The following SPOCK3 variants were observed in gnomAD, a reference collection of about 807,000 sequenced individuals.
SPOCK3 encodes the protein SPARC (osteonectin), cwcv and kazal like domains proteoglycan 3, also known as testican-3.
Under a neutral mutation model 56.6 loss-of-function variants are expected in SPOCK3, and 30 were observed. The observed-to-expected ratio is 0.53, with a 90% confidence interval of 0.40 to 0.72. The LOEUF (loss-of-function observed/expected upper bound fraction) is 0.72, where lower values mean the gene tolerates loss of function less well. SPOCK3 is among the 30% of genes least tolerant of loss of function. SPOCK3 has a pLI of 0.00. For missense variants in SPOCK3, 527 were observed against 530.0 expected, an observed-to-expected ratio of 0.99 and a Z score of 0.06; for synonymous variants, 196 against 183.3, an observed-to-expected ratio of 1.07 and a Z score of -0.56.
chr4:167,075,256 A>G (rs889143627), intron 2 of SPOCK3, among the ~76,000 whole-genome samples: 3 of 151,938 alleles, frequency 2.0e-5, no homozygotes, highest in African/African-American at 7.2e-5. Context: ...AAAAAAAGAC[A>G]TGCAAAATAC....
chr4:167,037,962 G>C (rs959756779), intron 3 of SPOCK3, among the ~76,000 whole-genome samples: 1 of 152,140 alleles, frequency 6.6e-6, no homozygotes, highest in African/African-American at 2.4e-5. Context: ...ACCAGTCACA[G>C]AAACAGAAAG....
At chr4:166,841,440 T>G (rs1490002499) in intron 6 of SPOCK3, among the ~76,000 whole-genome samples, 1 of 148,744 alleles carries the variant, frequency 6.7e-6, no homozygotes, top group Non-Finnish European at 1.5e-5. Context: ...TTTCTTAAAG[T>G]AAGAAAAAAA....
At chr4:167,131,642 C>T (rs13125626) in intron 2 of SPOCK3, among the ~76,000 whole-genome samples, 1 of 151,854 alleles carries the variant, frequency 6.6e-6, no homozygotes, top group African/African-American at 2.4e-5. Flanking sequence ...CAACAAAAAC[C>T]TGGGAGTATA....
chr4:166,870,962 T>C (rs1469929192), intron 6 of SPOCK3, among the ~76,000 whole-genome samples: 2 of 152,014 alleles, frequency 1.3e-5, no homozygotes, highest in Non-Finnish European at 2.9e-5. Flanking sequence ...CACACTTGTC[T>C]CTCCTGCCAC....
chr4:166,864,956 C>A (rs373425804), intron 6 of SPOCK3, among the ~76,000 whole-genome samples: 2 of 152,050 alleles, frequency 1.3e-5, no homozygotes, highest in Admixed American at 6.6e-5. Context: ...ACCCTGATAC[C>A]AAAACCTGGC....
At position 166,812,040 on chromosome 4, in the gene SPOCK3, G is replaced by A. The variant is rs373050731; in HGVS notation, c.590-19751C>T. Among the ~76,000 whole-genome samples, 7 of 151,548 alleles carry A rather than the reference G, an allele frequency of 4.6e-5. No homozygotes were observed. In the South Asian group the frequency reaches 6.2e-4, roughly 13 times the overall value. Reference sequence around the variant, plus strand: ...TGCATACTTTAACAAATATTTAATCGGAACATTAAAGAATCTAGAAATGTT... The same window carrying A: ...TGCATACTTTAACAAATATTTAATCAGAACATTAAAGAATCTAGAAATGTT... On this transcript the variant is annotated intron_variant, in intron 6 of 10. Coordinates refer to ENST00000357545, the MANE Select transcript of SPOCK3 (RefSeq NM_001040159.2).
intron 6 of SPOCK3, among the ~76,000 whole-genome samples, chr4:166,851,623 A>G (rs1273187044): frequency 6.6e-6 from 1 of 152,252 alleles, no homozygotes; most frequent in Non-Finnish European, 1.5e-5. Context: ...AAGTGCTTAA[A>G]GGAGCTGATG....
chr4:166,886,816 GAC>G (rs915683644), intron 6 of SPOCK3, among the ~76,000 whole-genome samples: 29 of 152,122 alleles, frequency 1.9e-4, no homozygotes, highest in Admixed American at 5.9e-4. Flanking sequence ...TAATGTAAAT[GAC>G]AGTTGAAAGA....
chr4:166,746,213 C>T (rs1042963151), intron 8 of SPOCK3, among the ~76,000 whole-genome samples: 5 of 152,172 alleles, frequency 3.3e-5, no homozygotes, highest in Non-Finnish European at 7.3e-5. Context: ...CACACTTATT[C>T]CAAAATTCAC....
At chr4:166,993,693 C>A (rs1748047562) in intron 4 of SPOCK3, among the ~76,000 whole-genome samples, 1 of 152,100 alleles carries the variant, frequency 6.6e-6, no homozygotes, top group African/African-American at 2.4e-5. Flanking sequence ...GGCAACCCAA[C>A]AATTCACCTG....
chr4:166,975,316 A>G (rs2150081448), intron 4 of SPOCK3, among the ~76,000 whole-genome samples: 1 of 152,338 alleles, frequency 6.6e-6, no homozygotes, highest in African/African-American at 2.4e-5. Context: ...TCAAAATGCC[A>G]GATTCATGTA....
chr4:166,952,951 T>A (rs1742866506), intron 4 of SPOCK3, among the ~76,000 whole-genome samples: 1 of 150,606 alleles, frequency 6.6e-6, no homozygotes, highest in African/African-American at 2.5e-5. Context: ...GATTAAAGAC[T>A]TAAACGTTAG....
At chr4:167,092,017 G>A (rs1402110600) in intron 2 of SPOCK3, among the ~76,000 whole-genome samples, 1 of 152,084 alleles carries the variant, frequency 6.6e-6, no homozygotes, top group Non-Finnish European at 1.5e-5. Flanking sequence ...GGCGGAATAG[G>A]AACAGCTCTG....
At chr4:166,779,976 A>C (rs1739982256) in intron 7 of SPOCK3, among the ~76,000 whole-genome samples, 1 of 152,208 alleles carries the variant, frequency 6.6e-6, no homozygotes, top group African/African-American at 2.4e-5. Context: ...AATAATTGAA[A>C]ACTTTCAACC....
intron 6 of SPOCK3, among the ~76,000 whole-genome samples, chr4:166,863,962 C>T (rs1017087208): frequency 2.6e-5 from 4 of 152,214 alleles, no homozygotes; most frequent in Non-Finnish European, 2.9e-5. Context: ...AACTCTCCAC[C>T]CCAAATCAAC....
intron 6 of SPOCK3, among the ~76,000 whole-genome samples, chr4:166,885,521 T>A (rs930418498): frequency 1.3e-5 from 2 of 152,090 alleles, no homozygotes; most frequent in Non-Finnish European, 2.9e-5. Context: ...GTACTCTGTA[T>A]CCTAGAAGCA....
At chr4:166,914,549 T>C (rs1409632871) in intron 4 of SPOCK3, among the ~76,000 whole-genome samples, 2 of 152,142 alleles carry the variant, frequency 1.3e-5, no homozygotes, top group African/African-American at 4.8e-5. Context: ...GACAGGCGGA[T>C]CACCTGAGGT....
intron 5 of SPOCK3, among the ~76,000 whole-genome samples, chr4:166,901,994 G>A (rs992381214): frequency 1.3e-5 from 2 of 152,130 alleles, no homozygotes; most frequent in African/African-American, 4.8e-5. Flanking sequence ...GGCAGATACT[G>A]TTTGGAGGCA....
At chr4:167,112,875 G>A (rs764614074) in intron 2 of SPOCK3, among the ~76,000 whole-genome samples, 6 of 151,816 alleles carry the variant, frequency 4.0e-5, no homozygotes, top group Non-Finnish European at 8.8e-5. Context: ...TATATTAGAT[G>A]TGTTAAGTGT....
Sources: gnomAD v4.1 joint callset for allele counts (sites outside exome capture counted in the v4.1 genomes callset) on GRCh38, gnomAD v4.1.1 for gene constraint, MANE v1.5 for transcripts, NCBI Gene and HGNC (gene_info 2026-07-23, HGNC 2026-07-21) for gene names.